The following SUPT3H variants were observed in gnomAD, a reference collection of about 807,000 sequenced individuals.
SUPT3H encodes transcription initiation protein SPT3 homolog.
Under a neutral mutation model 44.3 loss-of-function variants are expected in SUPT3H, and 44 were observed. The observed-to-expected ratio is 0.99, with a 90% CI of 0.78 to 1.28. The LOEUF is 1.28. Among genes scored for constraint, SUPT3H ranks in the 50% most tolerant of loss-of-function variants. The pLI is 0.00. For synonymous variants in SUPT3H, 124 were observed against 125.6 expected (o/e 0.99, Z 0.09); for missense variants, 380 against 387.1 (o/e 0.98, Z 0.15).
chr6:45,133,475 C>T (rs559491909), intron 2 of SUPT3H, among the ~76,000 whole-genome samples: 86 of 152,084 alleles, frequency 5.7e-4, no homozygotes, highest in Non-Finnish European at 9.1e-4. Flanking sequence ...AGTTAAAATG[C>T]TAAGATTGAT....
chr6:45,128,469 C>T (rs1802781271), intron 2 of SUPT3H, among the ~76,000 whole-genome samples: 1 of 127,122 alleles, frequency 7.9e-6, no homozygotes, highest in Non-Finnish European at 1.6e-5. Flanking sequence ...TGCACCACTG[C>T]GCTCCAGCCT....
chr6:44,838,447 G>T (rs182663182), intron 10 of SUPT3H, among the ~76,000 whole-genome samples: 2 of 152,252 alleles, frequency 1.3e-5, no homozygotes, highest in African/African-American at 4.8e-5. Flanking sequence ...GGAGATGGTG[G>T]TCATCAAGGA....
intron 10 of SUPT3H, among the ~76,000 whole-genome samples, chr6:44,908,569 C>G (rs79421643): frequency 0.025 from 3,737 of 152,208 alleles, 168 homozygotes; most frequent in African/African-American, 0.084. Context: ...CTATTTCACA[C>G]TGGTACTATG....
At chr6:44,953,488 A>T (rs1177419003) in intron 8 of SUPT3H, 71 bp from the exon 9 acceptor site, 3 of 1,186,590 alleles carry the variant, frequency 2.5e-6, no homozygotes, top group Non-Finnish European at 3.7e-6. Context: ...GGCAAACCTA[A>T]AAGCAATACA....
intron 2 of SUPT3H, among the ~76,000 whole-genome samples, chr6:45,323,555 C>A (rs1319204440): frequency 6.6e-6 from 1 of 151,836 alleles, no homozygotes; most frequent in Non-Finnish European, 1.5e-5. Flanking sequence ...AATTCAAGTC[C>A]CACCCCCAAC....
chr6:44,831,414 G>A (rs1029832486), intron 10 of SUPT3H, among the ~76,000 whole-genome samples: 2 of 152,132 alleles, frequency 1.3e-5, no homozygotes, highest in Non-Finnish European at 2.9e-5. Context: ...TTAAGTGAAT[G>A]CCTCAGAGAG....
intron 2 of SUPT3H, among the ~76,000 whole-genome samples, chr6:45,251,851 C>G (rs777858810): frequency 2.6e-5 from 4 of 151,984 alleles, no homozygotes; most frequent in Non-Finnish European, 5.9e-5. Context: ...GCTAGATGGT[C>G]TCCAAAGGTT....
At chr6:45,127,684 A>C (rs919906384) in intron 2 of SUPT3H, among the ~76,000 whole-genome samples, 1 of 151,844 alleles carries the variant, frequency 6.6e-6, no homozygotes, top group Non-Finnish European at 1.5e-5. Context: ...ACTTTTCTCT[A>C]TTGTCTGTTT....
At chr6:45,254,967 C>A (rs543376991) in intron 2 of SUPT3H, among the ~76,000 whole-genome samples, 5 of 152,306 alleles carry the variant, frequency 3.3e-5, no homozygotes, top group Admixed American at 2.0e-4. Flanking sequence ...AATCACTCAG[C>A]AGCTATATAG....
intron 2 of SUPT3H, among the ~76,000 whole-genome samples, chr6:45,267,219 A>G (rs1007937496): frequency 6.6e-6 from 1 of 152,188 alleles, no homozygotes; most frequent in Non-Finnish European, 1.5e-5. Flanking sequence ...TGCCACACAT[A>G]TCTCCGATTT....
intron 2 of SUPT3H, among the ~76,000 whole-genome samples, chr6:45,231,559 A>C (rs1218008993): frequency 6.6e-6 from 1 of 152,110 alleles, no homozygotes; most frequent in Non-Finnish European, 1.5e-5. Context: ...ATTTCACTAT[A>C]ATGTGGGGTG....
intron 6 of SUPT3H, among the ~76,000 whole-genome samples, chr6:44,982,525 T>C (rs933425091): frequency 1.3e-5 from 2 of 152,222 alleles, no homozygotes; most frequent in African/African-American, 4.8e-5. Flanking sequence ...CGATTCTTTA[T>C]ATAGAAGAAA....
intron 2 of SUPT3H, among the ~76,000 whole-genome samples, chr6:45,263,377 A>T (rs1401594596): frequency 6.6e-6 from 1 of 152,228 alleles, no homozygotes; most frequent in East Asian, 1.9e-4. Flanking sequence ...AAATTAACAA[A>T]GGAACAGTGA....
At chr6:45,036,139 C>T (rs1041194810) in intron 3 of SUPT3H, among the ~76,000 whole-genome samples, 4 of 152,104 alleles carry the variant, frequency 2.6e-5, no homozygotes, top group Admixed American at 1.3e-4. Flanking sequence ...TGAAGCTTAT[C>T]GTTTAGTGGT....
At chr6:45,181,744 A>G (rs998915227) in intron 2 of SUPT3H, among the ~76,000 whole-genome samples, 1 of 150,938 alleles carries the variant, frequency 6.6e-6, no homozygotes, top group Non-Finnish European at 1.5e-5. Flanking sequence ...GAGGGATAGC[A>G]CTGGGAGATA....
intron 2 of SUPT3H, among the ~76,000 whole-genome samples, chr6:45,225,204 C>G (rs6911320): frequency 0.86 from 129,178 of 150,682 alleles, 55,584 homozygotes; most frequent in African/African-American, 0.9. Flanking sequence ...GCTTGAACCT[C>G]GGAGGTGGAG....
intron 2 of SUPT3H, among the ~76,000 whole-genome samples, chr6:45,292,455 G>C (rs1006632965): frequency 2.0e-5 from 3 of 151,926 alleles, no homozygotes; most frequent in Non-Finnish European, 4.4e-5. Flanking sequence ...GAATACCATG[G>C]TGAATAAAAT....
chr6:45,006,594 C>T (rs554757415), intron 5 of SUPT3H, among the ~76,000 whole-genome samples: 2 of 152,150 alleles, frequency 1.3e-5, no homozygotes, highest in African/African-American at 4.8e-5. Context: ...AATTATACTC[C>T]TACCAAGAGG....
downstream of SUPT3H, among the ~76,000 whole-genome samples, chr6:44,823,033 G>C (rs1767455085): frequency 6.7e-6 from 1 of 149,438 alleles, no homozygotes; most frequent in South Asian, 2.1e-4. Context: ...CAGGAGAATT[G>C]CTTGAACCCG....
Sources: gnomAD v4.1 joint callset for allele counts (sites outside exome capture counted in the v4.1 genomes callset) on GRCh38, gnomAD v4.1.1 for gene constraint, MANE v1.5 for transcripts, NCBI Gene and HGNC (gene_info 2026-07-23, HGNC 2026-07-21) for gene names.